ADAMTS19: variants seen among roughly 807,000 people sequenced by gnomAD.
ADAMTS19 encodes the protein ADAM metallopeptidase with thrombospondin type 1 motif 19, also known as A disintegrin and metalloproteinase with thrombospondin motifs 19.
Under a neutral mutation model 153.3 loss-of-function variants are expected in ADAMTS19, and 93 were observed. The observed-to-expected ratio is 0.61, with a 90% CI of 0.51 to 0.72. The LOEUF is 0.72. Ranked by LOEUF, ADAMTS19 falls within the 30% of genes least tolerant of loss-of-function variation. The probability of loss-of-function intolerance (pLI) is 0.00; values close to 1 mark genes in which losing one functional copy is unlikely to be tolerated. For synonymous variants in ADAMTS19, 600 were observed against 556.6 expected, an observed-to-expected ratio of 1.08 and a Z score of -1.10; for missense variants, 1,482 against 1,552.1, an observed-to-expected ratio of 0.95 and a Z score of 0.76.
At chr5:129,685,043 A>G (rs992736886) in intron 18 of ADAMTS19, among the ~76,000 whole-genome samples, 2 of 151,974 alleles carry the variant, frequency 1.3e-5, no homozygotes, top group Admixed American at 1.3e-4. Context: ...GGATTAGAAG[A>G]GAGTTTTATT....
chr5:129,583,468 T>C (rs1373306070), intron 7 of ADAMTS19, among the ~76,000 whole-genome samples: 2 of 152,108 alleles, frequency 1.3e-5, no homozygotes, highest in Non-Finnish European at 2.9e-5. Flanking sequence ...TCTTGCTAGG[T>C]TGGGGAAGTT....
At position 129,596,669 on chromosome 5, in the gene ADAMTS19, G is replaced by A; in HGVS notation, c.1478+5G>A. 1 of 1,584,996 alleles carries A rather than the reference G, an allele frequency of 6.3e-7. No individual in the cohort carries two copies. The highest frequency in any genetic ancestry group is 2.3e-5 in the East Asian group (1 of 43,984). On this transcript the variant is annotated splice_donor_5th_base_variant and intron_variant, in intron 8 of 22. Transcript: ENST00000274487. ...TGCTCATGAAATGGGTCACAAGTAA[G>A]TAAAAATCATGGCTATGTTAAATAT...
At chr5:129,730,479 G>T (rs1456845723) in intron 21 of ADAMTS19, among the ~76,000 whole-genome samples, 1 of 152,032 alleles carries the variant, frequency 6.6e-6, no homozygotes, top group African/African-American at 2.4e-5. Flanking sequence ...GTAAGCTATT[G>T]TCATAACAGA....
chr5:129,684,514 A>G (rs1314107619), intron 18 of ADAMTS19, among the ~76,000 whole-genome samples: 1 of 149,152 alleles, frequency 6.7e-6, no homozygotes, highest in African/African-American at 2.5e-5. Flanking sequence ...ACATTACATT[A>G]CATTACATTA....
chr5:129,549,029 G>C (rs1752967549), intron 6 of ADAMTS19, among the ~76,000 whole-genome samples: 1 of 100,968 alleles, frequency 9.9e-6, no homozygotes, highest in Non-Finnish European at 1.8e-5. Flanking sequence ...ACTGTTGTGG[G>C]GTGGGGGGAG....
chr5:129,735,253 T>A, intron 22 of ADAMTS19, 144 bp downstream of exon 22: 1 of 838,064 alleles, frequency 1.2e-6, no homozygotes, highest in Non-Finnish European at 1.6e-6. Context: ...CATTTAAATA[T>A]GATTTCGTCC....
chr5:129,519,771 A>G (rs1296586353), intron 3 of ADAMTS19, among the ~76,000 whole-genome samples: 1 of 151,980 alleles, frequency 6.6e-6, no homozygotes, highest in Non-Finnish European at 1.5e-5. Flanking sequence ...CAGCCAATTT[A>G]TATATTGCTT....
intron 16 of ADAMTS19, among the ~76,000 whole-genome samples, chr5:129,677,093 G>A (rs994722073): frequency 7.2e-5 from 11 of 151,910 alleles, no homozygotes; most frequent in African/African-American, 2.4e-4. Flanking sequence ...TTACCTTTTA[G>A]GAAAAATCAT....
chr5:129,557,039 A>C (rs949818793), intron 7 of ADAMTS19, among the ~76,000 whole-genome samples: 2 of 152,196 alleles, frequency 1.3e-5, no homozygotes, highest in Non-Finnish European at 2.9e-5. Context: ...AGAAAGAATA[A>C]AGAAACGTGG....
In ADAMTS19 at chr5:129,483,731, T is replaced by C. The variant is rs141698720; in HGVS notation, c.747+21974T>C. On this transcript the variant is annotated intron_variant, in intron 2 of 22. Transcript: ENST00000274487. ...GGGTAGCTCTTGCTGCAGTTGTGCA[T>C]GGTTGTGGCCATGAAGAAAGGTGGC... 4.9e-3 allele frequency among the ~76,000 whole-genome samples: 751 copies of C among 152,320 alleles called. 11 individuals are homozygous for C. Among genetic ancestry groups the C allele is most frequent in the East Asian group, 0.038 (199 of 5,186 alleles).
intron 2 of ADAMTS19, among the ~76,000 whole-genome samples, chr5:129,487,301 T>C (rs894347846): frequency 6.6e-6 from 1 of 152,232 alleles, no homozygotes; most frequent in African/African-American, 2.4e-5. Flanking sequence ...AGTTTTTCAA[T>C]ATATGATGCT....
rs1249369902 is a variant in ADAMTS19, at chr5:129,702,934, AAAAAAAAATATATATAT to A, written c.3160-1303_3160-1287del. 6.3e-4 allele frequency among the ~76,000 whole-genome samples: 77 copies of A among 122,820 alleles called. 1 individual carries two copies. The highest frequency in any genetic ancestry group is 1.2e-3 in the South Asian group (5 of 4,162). The allele number at this position is 122,820 out of a possible 152,430, so 80.6% of individuals were successfully genotyped here. On this transcript the variant is annotated intron_variant, in intron 20 of 22. Coordinates refer to ENST00000274487, the MANE Select transcript of ADAMTS19 (RefSeq NM_133638.6). ...TCAGGCATAGTTTGACTTGCCAAAAAAAAAAAAATATATATATATATATATATATATATATATACAAA... is the reference window on the plus strand; with the variant it reads ...TCAGGCATAGTTTGACTTGCCAAAAAATATATATATATATATATATACAAA...
chr5:129,608,690 G>C (rs1400270820), intron 8 of ADAMTS19, among the ~76,000 whole-genome samples: 1 of 151,972 alleles, frequency 6.6e-6, no homozygotes, highest in Non-Finnish European at 1.5e-5. Context: ...GGGAGGCCAA[G>C]TCAGGCGGAT....
chr5:129,543,225 A>AT (rs944531611), intron 6 of ADAMTS19, among the ~76,000 whole-genome samples: 5 of 150,254 alleles, frequency 3.3e-5, no homozygotes, highest in East Asian at 2.0e-4. Flanking sequence ...AATTTTTTGT[A>AT]TTTTTTTTAG....
Position 129,461,678 on chromosome 5 carries a change from A to G in ADAMTS19, c.668A>G (p.Asp223Gly), listed in dbSNP as rs374728663. The change falls in exon 2 of 23, where the codon GAC (aspartate) becomes GGC (glycine). Residue 223 changes from aspartate to glycine, a missense_variant. Coordinates refer to ENST00000274487, the MANE Select transcript of ADAMTS19 (RefSeq NM_133638.6). This position sits in a 1 kb window ranked among gnomAD's most constrained non-coding sequence, Gnocchi z 4.6. ...GCCCCGCAACCTCCCGCGCCACCAG[A>G]CGCAGGCTGCTTCTACACCGGAGCT... is the stretch of plus-strand genomic sequence containing the variant. ...ASAPQPPAPP[D>G]AGCFYTGAVL... 10 of 1,579,906 alleles carry G rather than the reference A, an allele frequency of 6.3e-6. No homozygotes were observed. In the African/African-American group the frequency reaches 1.4e-4, roughly 22 times the overall value.
chr5:129,677,971 C>T (rs933212391), intron 16 of ADAMTS19, among the ~76,000 whole-genome samples: 8 of 152,078 alleles, frequency 5.3e-5, no homozygotes, highest in African/African-American at 1.9e-4. Flanking sequence ...CACCACCATA[C>T]CTAGCTAATT....
chr5:129,668,786 C>G (rs1754168364), intron 16 of ADAMTS19, among the ~76,000 whole-genome samples: 1 of 152,040 alleles, frequency 6.6e-6, no homozygotes, highest in Admixed American at 6.6e-5. Flanking sequence ...ATAAAATTTA[C>G]CATCACAGCT....
At position 129,461,693 on chromosome 5, in the gene ADAMTS19, A is replaced by T. The variant is rs536954090; in HGVS notation, c.683A>T (p.Tyr228Phe). ...GCGCCACCAGACGCAGGCTGCTTCT[A>T]CACCGGAGCTGTGCTGCGGCACCCT... ...PPAPPDAGCF[Y>F]TGAVLRHPGS... The change falls in exon 2 of 23, where the codon TAC (tyrosine) becomes TTC (phenylalanine). Residue 228 changes from tyrosine (Y) to phenylalanine (F), a missense_variant. Coordinates refer to ENST00000274487, the MANE Select transcript of ADAMTS19 (RefSeq NM_133638.6). This position sits in a 1 kb window ranked among gnomAD's most constrained non-coding sequence, Gnocchi z 4.6. The T allele has an allele frequency of 6.4e-7, 1 of 1,565,264 alleles. No individual in the cohort carries two copies. Among genetic ancestry groups the T allele is most frequent in the Non-Finnish European group, 8.6e-7 (1 of 1,161,484 alleles).
At chr5:129,513,306 C>T (rs1458801939) in intron 3 of ADAMTS19, among the ~76,000 whole-genome samples, 1 of 151,776 alleles carries the variant, frequency 6.6e-6, no homozygotes, top group Non-Finnish European at 1.5e-5. Context: ...CCTGTCATCT[C>T]TTTCTACCAC....
Sources: gnomAD v4.1 joint callset for allele counts (sites outside exome capture counted in the v4.1 genomes callset) on GRCh38, gnomAD v4.1.1 for gene constraint, Gnocchi (gnomAD v3.1) non-coding constraint, MANE v1.5 for transcripts, NCBI Gene and HGNC (gene_info 2026-07-23, HGNC 2026-07-21) for gene names.